Variants in CEP85L observed in about 807,000 individuals in gnomAD.
The protein encoded by CEP85L is centrosomal protein 85L, also known as centrosomal protein of 85 kDa-like.
In CEP85L, 60 loss-of-function variants were observed where a neutral mutation model predicts 100.3. The ratio of observed to expected loss-of-function variants is 0.60; its 90% CI spans 0.49 to 0.74. CEP85L has a LOEUF of 0.74. Among genes scored for constraint, CEP85L ranks in the 30% least tolerant of loss-of-function variants. The probability of loss-of-function intolerance (pLI) is 0.00; values close to 1 mark genes in which losing one functional copy is unlikely to be tolerated. For missense variants in CEP85L, 973 were observed against 936.2 expected (o/e 1.04, Z -0.51); for synonymous variants, 319 against 322.7 (o/e 0.99, Z 0.12).
intron 1 of CEP85L, among the ~76,000 whole-genome samples, chr6:118,642,341 T>A (rs958059772): frequency 6.6e-6 from 1 of 152,036 alleles, no homozygotes; most frequent in Non-Finnish European, 1.5e-5. Flanking sequence ...GGGAGGTGAA[T>A]TGAGAAACTG....
At position 118,565,719 on chromosome 6, in the gene CEP85L, T is replaced by A. The variant is rs781303941; in HGVS notation, c.830A>T (p.Tyr277Phe). Reference protein sequence around the residue: ...TSSEAFEPPKYLMLGQQAVGG... With the variant: ...TSSEAFEPPKFLMLGQQAVGG... Reference sequence around the variant, plus strand: ...TACTGCCTGTTGACCAAGCATTAAATATTTTGGAGGTTCAAAAGCCTCTGA... The same window carrying A: ...TACTGCCTGTTGACCAAGCATTAAAAATTTTGGAGGTTCAAAAGCCTCTGA... The change falls in exon 3 of 13, where the codon TAT (tyrosine) becomes TTT (phenylalanine). Residue 277 changes from tyrosine (Y) to phenylalanine (F), a missense_variant. Tyr to Phe is a conservative substitution (Grantham distance 22). Around this residue, in one of 3 missense-constraint regions of CEP85L, gnomAD observed 890 missense variants for 844.5 expected, o/e 1.05. Transcript: ENST00000368491. 6.2e-7 allele frequency: 1 copy of A among 1,614,168 alleles called. No homozygotes were observed. Among genetic ancestry groups the A allele is most frequent in the Non-Finnish European group, 8.5e-7 (1 of 1,180,018 alleles).
chr6:118,709,556 T>TGTGTGTGAGAGAGA (rs751698371), intron 1 of CEP85L, among the ~76,000 whole-genome samples: 3 of 142,224 alleles, frequency 2.1e-5, no homozygotes, highest in Admixed American at 7.0e-5. Context: ...TGTGTGTGTG[T>TGTGTGTGAGAGAGA]GAGAGAGAGA....
chr6:118,652,301 T>TGA, upstream of CEP85L: 1 of 709,878 alleles, frequency 1.4e-6, no homozygotes, highest in South Asian at 6.0e-5. Flanking sequence ...ACGTTCTTCC[T>TGA]CTTCTTGGCC....
intron 3 of CEP85L, among the ~76,000 whole-genome samples, chr6:118,555,754 G>A (rs1371951665): frequency 1.3e-5 from 2 of 151,958 alleles, no homozygotes; most frequent in Non-Finnish European, 1.5e-5. Flanking sequence ...TCATCATCCC[G>A]TTATTAAGCC....
intron 2 of CEP85L, among the ~76,000 whole-genome samples, chr6:118,602,170 G>C (rs1781821292): frequency 6.6e-6 from 1 of 152,082 alleles, no homozygotes; most frequent in Non-Finnish European, 1.5e-5. Flanking sequence ...TAAGTATGAG[G>C]GTCTCTTGCA....
intron 3 of CEP85L, among the ~76,000 whole-genome samples, chr6:118,549,268 T>C (rs1778393968): frequency 6.6e-6 from 1 of 151,842 alleles, no homozygotes; most frequent in South Asian, 2.1e-4. Flanking sequence ...CTCCATTTCC[T>C]CTCTCGGATT....
chr6:118,528,700 A>G (rs1019527291), intron 3 of CEP85L, among the ~76,000 whole-genome samples: 9 of 152,308 alleles, frequency 5.9e-5, no homozygotes, highest in Middle Eastern at 3.4e-3. Context: ...ACCTACCTCT[A>G]AACATGACAG....
intron 12 of CEP85L, among the ~76,000 whole-genome samples, chr6:118,468,366 C>T (rs1772690129): frequency 6.6e-6 from 1 of 152,194 alleles, no homozygotes; most frequent in Admixed American, 6.5e-5. Flanking sequence ...TATGGTCTTA[C>T]TGCATTCCTA....
At position 118,632,539 on chromosome 6, in the gene CEP85L, T is replaced by A. The variant is rs777040956; in HGVS notation, c.146A>T (p.His49Leu). 2 of 1,613,310 alleles carry A rather than the reference T, an allele frequency of 1.2e-6. No homozygotes were observed. The highest frequency in any genetic ancestry group is 1.7e-5 in the Admixed American group (1 of 59,906). ...LWQATTVPSN[H>L]RNNHIRRHSI... is the part of the protein sequence containing the mutation. Reference sequence around the variant, plus strand: ...GTGTCTCCTGATATGGTTATTTCGATGGTTAGATGGAACAGTTGTGGCCTG... The same window carrying A: ...GTGTCTCCTGATATGGTTATTTCGAAGGTTAGATGGAACAGTTGTGGCCTG... Residue 49 changes from histidine (H) to leucine (L), a missense_variant, in exon 2 of 13, where the codon CAT (histidine) becomes CTT (leucine). Physicochemically the swap from His to Leu is moderately conservative, Grantham distance 99 (BLOSUM62 -3). This residue lies in a region of CEP85L where 79 missense variants were observed against 73.3 expected (regional missense o/e 1.08). Transcript: ENST00000368491.
intron 3 of CEP85L, among the ~76,000 whole-genome samples, chr6:118,542,917 A>AAAAAAAAAAAAAAAAAAAAAAAG (rs758286537): frequency 6.7e-6 from 1 of 150,080 alleles, no homozygotes; most frequent in Non-Finnish European, 1.5e-5. Flanking sequence ...AAAAAAAAAA[A>AAAAAAAAAAAAAAAAAAAAAAAG]AAAAAACAGG....
intron 2 of CEP85L, among the ~76,000 whole-genome samples, chr6:118,624,685 C>T (rs1430247115): frequency 6.6e-6 from 1 of 152,222 alleles, no homozygotes; most frequent in Non-Finnish European, 1.5e-5. Context: ...AATGGCCATA[C>T]ATATCACCAA....
intron 1 of CEP85L, among the ~76,000 whole-genome samples, chr6:118,709,760 A>G (rs1777726590): frequency 6.6e-6 from 1 of 152,040 alleles, no homozygotes; most frequent in African/African-American, 2.4e-5. Context: ...TGCAAAGACC[A>G]TTTGCCATCT....
At chr6:118,468,137 G>C (rs1284709952) in intron 12 of CEP85L, among the ~76,000 whole-genome samples, 1 of 152,178 alleles carries the variant, frequency 6.6e-6, no homozygotes, top group East Asian at 1.9e-4. Flanking sequence ...TCTATGAAAT[G>C]AAAGGGACAT....
intron 1 of CEP85L, among the ~76,000 whole-genome samples, chr6:118,679,119 T>C (rs774052391): frequency 6.6e-6 from 1 of 152,230 alleles, no homozygotes; most frequent in South Asian, 2.1e-4. Flanking sequence ...GTCAATTCAA[T>C]TGTTACCTTT....
intron 3 of CEP85L, among the ~76,000 whole-genome samples, chr6:118,564,582 T>C (rs1779397330): frequency 6.6e-6 from 1 of 152,152 alleles, no homozygotes; most frequent in South Asian, 2.1e-4. Flanking sequence ...TATGTTAGGG[T>C]TCTATGTTTT....
upstream of CEP85L, chr6:118,652,875 T>G: frequency 1.4e-6 from 1 of 700,520 alleles, no homozygotes; most frequent in Non-Finnish European, 2.4e-6. Flanking sequence ...TATTTTAATG[T>G]GCACTAGCTC....
intron 3 of CEP85L, among the ~76,000 whole-genome samples, chr6:118,563,071 G>A (rs1779316054): frequency 6.6e-6 from 1 of 152,142 alleles, no homozygotes; most frequent in African/African-American, 2.4e-5. Context: ...GGGGTTGCAG[G>A]GGGTGGGTAG....
chr6:118,661,084 A>G (rs1023633837), intron 1 of CEP85L, among the ~76,000 whole-genome samples: 2 of 151,996 alleles, frequency 1.3e-5, no homozygotes, highest in Non-Finnish European at 1.5e-5. Flanking sequence ...ATAGGGTTTC[A>G]CTGTGTTGGC....
intron 2 of CEP85L, among the ~76,000 whole-genome samples, chr6:118,608,747 T>C (rs1429486747): frequency 2.0e-5 from 3 of 152,210 alleles, no homozygotes; most frequent in Non-Finnish European, 4.4e-5. Context: ...TACAGAAATG[T>C]GTTATACATA....
Sources: gnomAD v4.1 joint callset for allele counts (sites outside exome capture counted in the v4.1 genomes callset) on GRCh38, gnomAD v4.1.1 for gene constraint, gnomAD v4.1.1 regional missense constraint, MANE v1.5 for transcripts, NCBI Gene and HGNC (gene_info 2026-07-23, HGNC 2026-07-21) for gene names.